Variants in RTN1 observed in about 807,000 individuals in gnomAD.
RTN1 encodes reticulon-1.
In RTN1, 25 loss-of-function variants were observed where a neutral mutation model predicts 65.5. The observed-to-expected ratio is 0.38, with a 90% confidence interval of 0.28 to 0.53. The LOEUF (loss-of-function observed/expected upper bound fraction) is 0.53, where lower values mean the gene tolerates loss of function less well. Ranked by LOEUF, RTN1 falls within the 20% of genes least tolerant of loss-of-function variation. The pLI is 0.79. For synonymous variants in RTN1, 471 were observed against 447.6 expected, an observed-to-expected ratio of 1.05 and a Z score of -0.66; for missense variants, 983 against 1,025.4, an observed-to-expected ratio of 0.96 and a Z score of 0.57.
At chr14:59,663,313 C>G (rs754780550) in intron 3 of RTN1, among the ~76,000 whole-genome samples, 1 of 152,130 alleles carries the variant, frequency 6.6e-6, no homozygotes, top group Non-Finnish European at 1.5e-5. Flanking sequence ...CATGAAAACA[C>G]TAGAAGAAAA....
chr14:59,640,036 T>G (rs1882744196), intron 3 of RTN1, among the ~76,000 whole-genome samples: 1 of 152,204 alleles, frequency 6.6e-6, no homozygotes, highest in South Asian at 2.1e-4. Flanking sequence ...TAGATTTTTG[T>G]ATTAGGTTTA....
intron 3 of RTN1, among the ~76,000 whole-genome samples, chr14:59,667,076 A>T (rs1272600942): frequency 6.6e-6 from 1 of 152,092 alleles, no homozygotes; most frequent in African/African-American, 2.4e-5. Flanking sequence ...TCAAATCAAT[A>T]GAAAAAGAGG....
chr14:59,616,971 C>T lies in RTN1; in HGVS notation c.1766-9479G>A, dbSNP rs142343879. Among the ~76,000 whole-genome samples, 688 of 152,282 alleles carry T rather than the reference C, an allele frequency of 4.5e-3. 3 individuals are homozygous for T. The highest frequency in any genetic ancestry group is 7.3e-3 in the Non-Finnish European group (499 of 68,002). On this transcript the variant is annotated intron_variant, in intron 3 of 8. Coordinates refer to ENST00000267484, the MANE Select transcript of RTN1 (RefSeq NM_021136.3). Reference sequence around the variant, plus strand: ...ACTCCTATAAACAAAATTTGGAGCACATTTGTTCCTCTCTACCTAATTTCT... The same window carrying T: ...ACTCCTATAAACAAAATTTGGAGCATATTTGTTCCTCTCTACCTAATTTCT...
intron 3 of RTN1, among the ~76,000 whole-genome samples, chr14:59,612,172 A>G (rs1368084779): frequency 6.6e-6 from 1 of 152,222 alleles, no homozygotes; most frequent in Non-Finnish European, 1.5e-5. Flanking sequence ...GAAAATGTTA[A>G]TTCGGTTCCC....
chr14:59,841,386 T>C (rs1887308575), intron 1 of RTN1, among the ~76,000 whole-genome samples: 1 of 152,004 alleles, frequency 6.6e-6, no homozygotes, highest in African/African-American at 2.4e-5. Context: ...AAAGAAGAAA[T>C]TGTCAGACTG....
chr14:59,652,551 C>A (rs1324017637), intron 3 of RTN1, among the ~76,000 whole-genome samples: 1 of 152,098 alleles, frequency 6.6e-6, no homozygotes, highest in Admixed American at 6.5e-5. Flanking sequence ...AGCTGGAGGC[C>A]ATTATTCTTA....
intron 3 of RTN1, among the ~76,000 whole-genome samples, chr14:59,652,441 A>T (rs1306754351): frequency 6.6e-6 from 1 of 152,252 alleles, no homozygotes. Flanking sequence ...ATGCCCATTA[A>T]TGGCAGATTG....
At chr14:59,837,218 C>T (rs533906136) in intron 1 of RTN1, among the ~76,000 whole-genome samples, 9 of 151,710 alleles carry the variant, frequency 5.9e-5, no homozygotes, top group African/African-American at 2.2e-4. Flanking sequence ...ATTCAAATTA[C>T]AGGATAATAA....
intron 3 of RTN1, among the ~76,000 whole-genome samples, chr14:59,667,709 C>T (rs923737440): frequency 6.6e-6 from 1 of 152,106 alleles, no homozygotes; most frequent in African/African-American, 2.4e-5. Context: ...ATTTAGAAAA[C>T]CCCACTGTCT....
Position 59,727,358 on chromosome 14 carries a change from G to T in RTN1, c.1326C>A (p.Pro442=). ...VSFGHVGGPP[P]SPASPSIQYS... The stretch of plus-strand genomic sequence containing the variant: ...ACTGGATGGATGGCGAGGCGGGCGA[G>T]GGCGGCGGGCCGCCCACGTGGCCAA... The change falls in exon 3 of 9, where the codon CCC becomes CCA. Residue 442 remains proline (P), a synonymous_variant. Transcript: ENST00000267484. This position sits in a 1 kb window ranked among gnomAD's most constrained non-coding sequence, Gnocchi z 4.2. 1 of 1,508,894 alleles carries T rather than the reference G, an allele frequency of 6.6e-7. No homozygotes were observed. The highest frequency in any genetic ancestry group is 8.9e-7 in the Non-Finnish European group (1 of 1,127,900). 93.5% of individuals were successfully genotyped at this position (1,508,894 alleles called of 1,614,324 possible).
At chr14:59,857,603 A>G (rs563081494) in intron 1 of RTN1, among the ~76,000 whole-genome samples, 1 of 151,524 alleles carries the variant, frequency 6.6e-6, no homozygotes, top group Non-Finnish European at 1.5e-5. Flanking sequence ...CTTCCCATGT[A>G]CCTCCCTCTT....
chr14:59,716,005 G>C (rs1459495181), intron 3 of RTN1, among the ~76,000 whole-genome samples: 1 of 152,144 alleles, frequency 6.6e-6, no homozygotes, highest in Non-Finnish European at 1.5e-5. Context: ...AGTATAAATT[G>C]GCTAAGCTAA....
At chr14:59,858,413 G>T (rs1887647420) in intron 1 of RTN1, among the ~76,000 whole-genome samples, 1 of 151,536 alleles carries the variant, frequency 6.6e-6, no homozygotes, top group African/African-American at 2.4e-5. Context: ...CTATTCCTTT[G>T]CTTGTCAACT....
chr14:59,743,236 T>C (rs761238199), intron 2 of RTN1, among the ~76,000 whole-genome samples: 23 of 152,182 alleles, frequency 1.5e-4, no homozygotes, highest in African/African-American at 5.3e-4. Context: ...AATTGGGCCA[T>C]GGCTACTTAA....
intron 1 of RTN1, among the ~76,000 whole-genome samples, chr14:59,778,784 C>A (rs1362470770): frequency 1.3e-5 from 2 of 152,048 alleles, no homozygotes; most frequent in Non-Finnish European, 2.9e-5. Flanking sequence ...CCCCTGGGAG[C>A]AAAGGGATGG....
rs1883753361 is a variant in RTN1, at chr14:59,681,939, C to T, written c.1765+44980G>A. 3.3e-5 allele frequency among the ~76,000 whole-genome samples: 5 copies of T among 152,182 alleles called. No homozygotes were observed. The South Asian group carries it at 1.0e-3, about 31-fold the overall frequency. Reference sequence around the variant, plus strand: ...TAGTTTAGACCCTCGTCACTGCTCACTAGATTTTTTTAGTGATCTTCTAAC... The same window carrying T: ...TAGTTTAGACCCTCGTCACTGCTCATTAGATTTTTTTAGTGATCTTCTAAC... On this transcript the variant is annotated intron_variant, in intron 3 of 8. Coordinates refer to ENST00000267484, the MANE Select transcript of RTN1 (RefSeq NM_021136.3).
At chr14:59,655,145 T>C (rs1883097355) in intron 3 of RTN1, among the ~76,000 whole-genome samples, 3 of 152,218 alleles carry the variant, frequency 2.0e-5, no homozygotes, top group Admixed American at 2.0e-4. Flanking sequence ...TACTCAACTG[T>C]ATATCTATAC....
At chr14:59,784,489 A>G (rs1055441532) in intron 1 of RTN1, among the ~76,000 whole-genome samples, 2 of 151,052 alleles carry the variant, frequency 1.3e-5, no homozygotes, top group African/African-American at 4.9e-5. Flanking sequence ...AACTTTAATT[A>G]TTGCATCTAT....
intron 1 of RTN1, among the ~76,000 whole-genome samples, chr14:59,805,448 A>AG (rs2139605881): frequency 6.6e-6 from 1 of 152,312 alleles, no homozygotes; most frequent in Non-Finnish European, 1.5e-5. Context: ...ATGTCTGGCC[A>AG]GGTCTCTGCC....
Sources: gnomAD v4.1 joint callset for allele counts (sites outside exome capture counted in the v4.1 genomes callset) on GRCh38, gnomAD v4.1.1 for gene constraint, Gnocchi (gnomAD v3.1) non-coding constraint, MANE v1.5 for transcripts, NCBI Gene and HGNC (gene_info 2026-07-23, HGNC 2026-07-21) for gene names.